The following GRK1 variants were observed in gnomAD, a reference collection of about 807,000 sequenced individuals.
GRK1 encodes rhodopsin kinase GRK1.
A neutral mutation model predicts 41.7 loss-of-function variants in GRK1; 28 were observed. The observed-to-expected ratio is 0.67, with a 90% CI of 0.50 to 0.92. The LOEUF (loss-of-function observed/expected upper bound fraction) is 0.92, where lower values mean the gene tolerates loss of function less well. Ranked by LOEUF, GRK1 falls within the 40% of genes least tolerant of loss-of-function variation. The probability of loss-of-function intolerance (pLI) is 0.00; values close to 1 mark genes in which losing one functional copy is unlikely to be tolerated. For synonymous variants in GRK1, 327 were observed against 286.7 expected (o/e 1.14, Z -1.42); for missense variants, 703 against 671.2 (o/e 1.05, Z -0.52).
chr13:113,728,705 G>A (rs1209929164), intron 4 of GRK1, among the ~76,000 whole-genome samples: 1 of 152,206 alleles, frequency 6.6e-6, no homozygotes, highest in Non-Finnish European at 1.5e-5. Context: ...GCCGAGACAG[G>A]TGGGATCTGC....
chr13:113,732,388 AG>A, intron 5 of GRK1, among the ~76,000 whole-genome samples: 1 of 152,314 alleles, frequency 6.6e-6, no homozygotes, highest in African/African-American at 2.4e-5. Flanking sequence ...GTGGGCTGCC[AG>A]GGCAACCCGT....
chr13:113,723,786 GTGTC>G (rs1214389621), intron 4 of GRK1, among the ~76,000 whole-genome samples: 1 of 151,736 alleles, frequency 6.6e-6, no homozygotes, highest in Non-Finnish European at 1.5e-5. Flanking sequence ...GCACACACGT[GTGTC>G]TGTGTGCCTG....
chr13:113,733,945 CGT>C (rs1409669587), intron 6 of GRK1, among the ~76,000 whole-genome samples: 89 of 80,260 alleles, frequency 1.1e-3, no homozygotes, highest in South Asian at 4.9e-3. Context: ...TACGTGTGTG[CGT>C]GTGTGTGCAT....
At chr13:113,649,525 C>A in the GRK1 span, 1 of 1,529,464 alleles carries the variant, frequency 6.5e-7, no homozygotes, top group Admixed American at 2.1e-5. The surrounding 1 kb of genome is among the most constrained non-coding windows in gnomAD (Gnocchi z 4.7). Context: ...CAGGGGGTTG[C>A]TGTAGTGGGG....
the GRK1 span, among the ~76,000 whole-genome samples, chr13:113,659,574 C>CT: frequency 1.1e-4 from 17 of 151,852 alleles, no homozygotes; most frequent in African/African-American, 2.9e-4. Flanking sequence ...CATTTCTTTT[C>CT]TTTTTTTTAA....
intron 4 of GRK1, among the ~76,000 whole-genome samples, chr13:113,726,981 A>G (rs553937082): frequency 6.6e-6 from 1 of 152,264 alleles, no homozygotes; most frequent in East Asian, 1.9e-4. Flanking sequence ...GTCAAAACTG[A>G]CCAGCCCCAG....
chr13:113,667,744 A>G lies in GRK1; in HGVS notation c.358A>G (p.Lys120Glu). 6.2e-7 allele frequency: 1 copy of G among 1,613,898 alleles called. No homozygotes were observed. Among genetic ancestry groups the G allele is most frequent in the South Asian group, 1.1e-5 (1 of 91,090 alleles). Residue 120 changes from lysine (K) to glutamate (E), a missense_variant, in exon 1 of 7, where the codon AAA (lysine) becomes GAA (glutamate). Transcript: ENST00000335678. This position sits in a 1 kb window ranked among gnomAD's most constrained non-coding sequence, Gnocchi z 7.5. ...GGCCCAGTACCTGGACCCCCAGGCC[A>G]AACTCTTCTGCAGCTTCCTGGATGA... ...ILAQYLDPQA[K>E]LFCSFLDEGI...
chr13:113,732,785 C>G (rs1215687407), intron 5 of GRK1, 99 bp from the exon 6 acceptor site: 3 of 1,309,832 alleles, frequency 2.3e-6, no homozygotes, highest in African/African-American at 1.5e-5. Context: ...CCCCCACCCG[C>G]GTGGGTGAGC....
At chr13:113,663,166 GAA>G (rs1234823846), upstream of GRK1, among the ~76,000 whole-genome samples, 2 of 152,146 alleles carry the variant, frequency 1.3e-5, no homozygotes, top group Non-Finnish European at 2.9e-5. Flanking sequence ...GAACAGAAGA[GAA>G]AATCCAGAGG....
chr13:113,727,562 CG>C (rs2049897292), intron 4 of GRK1, among the ~76,000 whole-genome samples: 2 of 150,622 alleles, frequency 1.3e-5, no homozygotes, highest in Admixed American at 1.3e-4. Flanking sequence ...GTACCCATGG[CG>C]ATGAGGACCC....
At position 113,667,645 on chromosome 13, in the gene GRK1, G is replaced by A. The variant is rs1437767151; in HGVS notation, c.259G>A (p.Glu87Lys). The A allele has an allele frequency of 1.2e-6, 2 of 1,613,578 alleles. No homozygotes were observed. The highest frequency in any genetic ancestry group is 1.7e-6 in the Non-Finnish European group (2 of 1,179,900). The change falls in exon 1 of 7, where the codon GAG becomes AAG. Residue 87 changes from glutamate to lysine, a missense_variant. By Grantham distance (56) the Glu-to-Lys change is moderately conservative. Transcript: ENST00000335678. The surrounding 1 kb of genome is among the most constrained non-coding windows in gnomAD (Gnocchi z 7.5). ...QSAEKHLPALELWKDIEDYDT... is the reference protein window; with the variant it reads ...QSAEKHLPALKLWKDIEDYDT... ...GGCAGAGAAGCACCTGCCGGCCCTGGAGCTCTGGAAAGACATCGAGGACTA... is the reference window on the plus strand; with the variant it reads ...GGCAGAGAAGCACCTGCCGGCCCTGAAGCTCTGGAAAGACATCGAGGACTA...
intron 4 of GRK1, 85 bp downstream of exon 4, chr13:113,723,242 A>G: frequency 1.6e-6 from 1 of 621,050 alleles, no homozygotes; most frequent in Non-Finnish European, 3.0e-6. Flanking sequence ...ACTTGCACAT[A>G]CATGTGAGTT....
At position 113,732,960 on chromosome 13, in the gene GRK1, A is replaced by G; in HGVS notation, c.1271A>G (p.Lys424Arg). ...KYPDKFSQAS[K>R]DFCEALLEKD... ...CCTGATAAGTTCAGCCAGGCCAGCA[A>G]GGACTTCTGCGAGGCGCTGCTGGAG... is the stretch of plus-strand genomic sequence containing the variant. The change falls in exon 6 of 7, where the codon AAG (lysine) becomes AGG (arginine). Residue 424 changes from lysine (K) to arginine (R), a missense_variant. By Grantham distance (26) the Lys-to-Arg change is conservative. Transcript: ENST00000335678. The G allele has an allele frequency of 1.3e-6, 2 of 1,537,080 alleles. No homozygotes were observed. Among genetic ancestry groups the G allele is most frequent in the African/African-American group, 1.4e-5 (1 of 73,180 alleles).
chr13:113,727,431 C>T (rs190374947), intron 4 of GRK1, among the ~76,000 whole-genome samples: 1 of 152,158 alleles, frequency 6.6e-6, no homozygotes, highest in Non-Finnish European at 1.5e-5. Flanking sequence ...AGGCTGTGGC[C>T]TGTGGACCGT....
chr13:113,658,186 C>G, the GRK1 span: 3 of 1,570,162 alleles, frequency 1.9e-6, no homozygotes, highest in South Asian at 3.4e-5. Context: ...CCTGCACCCT[C>G]TACGCCCAGA....
intron 4 of GRK1, among the ~76,000 whole-genome samples, chr13:113,729,150 C>CT (rs1316527373): frequency 6.6e-6 from 1 of 152,156 alleles, no homozygotes; most frequent in Non-Finnish European, 1.5e-5. Context: ...GCAAACTAGA[C>CT]ATATGTGAGC....
chr13:113,733,138 C>T (rs1488294224), intron 6 of GRK1, 53 bp downstream of exon 6: 6 of 1,485,060 alleles, frequency 4.0e-6, no homozygotes, highest in African/African-American at 2.8e-5. Context: ...GCTGTGTGGC[C>T]CTTGGGTGTC....
At chr13:113,723,454 A>G (rs1238648396) in intron 4 of GRK1, among the ~76,000 whole-genome samples, 2 of 152,092 alleles carry the variant, frequency 1.3e-5, no homozygotes, top group African/African-American at 4.8e-5. Flanking sequence ...GGTTTTACAC[A>G]TTTTAGGGAG....
chr13:113,658,104 A>G, the GRK1 span: 3 of 1,612,776 alleles, frequency 1.9e-6, no homozygotes, highest in Non-Finnish European at 2.5e-6. Context: ...GAACTCCTCC[A>G]TGCGCTGGCC....
Sources: allele counts gnomAD v4.1 joint callset (sites outside exome capture counted in the v4.1 genomes callset), GRCh38; gene constraint gnomAD v4.1.1; non-coding constraint Gnocchi (gnomAD v3.1); transcripts MANE v1.5; gene names NCBI Gene and HGNC (gene_info 2026-07-23, HGNC 2026-07-21).